The following TM4SF20 variants were observed in gnomAD, a reference collection of about 807,000 sequenced individuals.
The protein encoded by TM4SF20 is transmembrane 4 L six family member 20, also known as transmembrane 4 L6 family member 20.
Under a neutral mutation model 15.1 loss-of-function variants are expected in TM4SF20, and 13 were observed. That is an observed-to-expected ratio of 0.86 (90% CI 0.56 to 1.36). The LOEUF (loss-of-function observed/expected upper bound fraction) is 1.36. Among genes scored for constraint, TM4SF20 ranks in the 40% most tolerant of loss-of-function variants. The pLI, the probability that TM4SF20 is intolerant of heterozygous loss-of-function variation, is 0.00. For synonymous variants in TM4SF20, 92 were observed against 96.6 expected (o/e 0.95, Z 0.28); for missense variants, 282 against 268.4 (o/e 1.05, Z -0.35).
Position 227,372,468 on chromosome 2 carries a change from A to C in TM4SF20, c.184-1488T>G, listed in dbSNP as rs183228655. 4.4e-3 allele frequency among the ~76,000 whole-genome samples: 676 copies of C among 151,946 alleles called. 4 individuals carry two copies. The highest frequency in any genetic ancestry group is 0.015 in the African/African-American group (638 of 41,448). ...AGACCAGCCTGGCCAACATGAGGAA[A>C]CCCCGTCTCTACTAAAAATACAAAA... On this transcript the variant is annotated intron_variant, in intron 1 of 3. Transcript: ENST00000304568.
intron 2 of TM4SF20, among the ~76,000 whole-genome samples, chr2:227,366,559 C>G (rs2076393975): frequency 6.6e-6 from 1 of 151,800 alleles, no homozygotes; most frequent in South Asian, 2.1e-4. Flanking sequence ...AAAACCCCCT[C>G]TCTACTAAAA....
chr2:227,380,843 C>T (rs1000344491), upstream of TM4SF20, among the ~76,000 whole-genome samples: 15 of 152,128 alleles, frequency 9.9e-5, no homozygotes, highest in South Asian at 2.1e-4. Context: ...GTGTGGGGGG[C>T]GCACACAGCC....
chr2:227,372,649 A>G (rs2076426766), intron 1 of TM4SF20, among the ~76,000 whole-genome samples: 1 of 119,140 alleles, frequency 8.4e-6, no homozygotes, highest in Non-Finnish European at 2.0e-5. Flanking sequence ...CAAAAAAACA[A>G]ACAACAACAA....
intron 1 of TM4SF20, among the ~76,000 whole-genome samples, chr2:227,375,189 G>T (rs2076441590): frequency 6.6e-6 from 1 of 151,966 alleles, no homozygotes; most frequent in African/African-American, 2.4e-5. Flanking sequence ...AGCCTCTCAA[G>T]ATGCTGGGAT....
At chr2:227,368,629 G>A (rs568371863) in intron 2 of TM4SF20, among the ~76,000 whole-genome samples, 4 of 152,086 alleles carry the variant, frequency 2.6e-5, no homozygotes, top group African/African-American at 9.7e-5. Context: ...GCCTCCCAAA[G>A]TGCTGGGATT....
At chr2:227,366,368 A>T in intron 2 of TM4SF20, 124 bp from the exon 3 acceptor site, 7 of 758,654 alleles carry the variant, frequency 9.2e-6, no homozygotes, top group Non-Finnish European at 1.5e-5. Context: ...TTAAGATCAC[A>T]GTTTATTAGG....
rs1467017770 is a variant in TM4SF20 at position 227,363,765 on chromosome 2, A to C, written c.649T>G (p.Cys217Gly). The C allele has an allele frequency of 6.2e-7, 1 of 1,614,220 alleles. No individual in the cohort carries two copies. The highest frequency in any genetic ancestry group is 1.3e-5 in the African/African-American group (1 of 75,062). Reference protein sequence around the residue: ...LSQIVIGFLGCLCGVSKRRSQ... With the variant: ...LSQIVIGFLGGLCGVSKRRSQ... ...CTTCGCTTAGAGACTCCACACAGAC[A>C]GCCAAGGAAACCGATGACTATCTGA... is the stretch of plus-strand genomic sequence containing the variant. Residue 217 changes from cysteine (C) to glycine (G), a missense_variant, in exon 4 of 4, where the codon TGT (cysteine) becomes GGT (glycine). Coordinates refer to ENST00000304568, the MANE Select transcript of TM4SF20 (RefSeq NM_024795.4).
intron 1 of TM4SF20, among the ~76,000 whole-genome samples, chr2:227,373,927 C>A (rs1326775270): frequency 1.6e-3 from 168 of 102,982 alleles, no homozygotes; most frequent in Admixed American, 3.9e-3. Flanking sequence ...GACTCCGTCT[C>A]AAAAAAAAAA....
In TM4SF20 at chr2:227,363,531, T is replaced by C. The variant is rs60114757; in HGVS notation, c.*193A>G. ...GTGAAGAGGTAAAAAATTTGAATAG[T>C]ACAACACAAAACTAATTGAAAATTC... On this transcript the variant is annotated 3_prime_UTR_variant, in exon 4 of 4. Coordinates refer to ENST00000304568, the MANE Select transcript of TM4SF20 (RefSeq NM_024795.4). The C allele has an allele frequency of 1.4e-3, 831 of 602,470 alleles. 8 individuals carry two copies. The highest frequency in any genetic ancestry group is 0.012 in the African/African-American group (654 of 53,786). The allele number at this position is 602,470 out of a possible 1,614,324, so 37.3% of individuals were successfully genotyped here. A position where few individuals can be genotyped will look rare whatever the true frequency, so the allele number is the denominator to read the frequency against.
upstream of TM4SF20, among the ~76,000 whole-genome samples, chr2:227,380,011 T>C (rs2076472087): frequency 6.6e-6 from 1 of 152,252 alleles, no homozygotes; most frequent in African/African-American, 2.4e-5. Context: ...GAGAAAAGAC[T>C]ATCAGTTGGC....
At chr2:227,365,103 G>T (rs989515262) in intron 3 of TM4SF20, among the ~76,000 whole-genome samples, 1 of 152,208 alleles carries the variant, frequency 6.6e-6, no homozygotes, top group Non-Finnish European at 1.5e-5. Flanking sequence ...TAGTGATGCA[G>T]TTTCACCATG....
At chr2:227,372,403 T>G (rs1040606269) in intron 1 of TM4SF20, among the ~76,000 whole-genome samples, 1 of 152,050 alleles carries the variant, frequency 6.6e-6, no homozygotes, top group Admixed American at 6.6e-5. Flanking sequence ...CCCAGCACTT[T>G]AGGAGGCCGA....
intron 1 of TM4SF20, among the ~76,000 whole-genome samples, chr2:227,374,925 C>CAAAA (rs10680148): frequency 6.5e-5 from 9 of 139,272 alleles, no homozygotes; most frequent in Admixed American, 1.4e-4. Context: ...ACCCTATCTA[C>CAAAA]AAAAAAAAAA....
intron 1 of TM4SF20, 125 bp from the exon 2 acceptor site, chr2:227,371,105 T>G (rs1222528159): frequency 2.4e-6 from 2 of 841,536 alleles, no homozygotes; most frequent in Non-Finnish European, 4.0e-6. Context: ...AAAAGGGAAT[T>G]TGGCAATATC....
Position 227,362,727 on chromosome 2 carries a change from T to TTA in TM4SF20, c.*995_*996dup, listed in dbSNP as rs2076368100. 1 of 152,236 alleles carries TTA rather than the reference T, an allele frequency of 6.6e-6. No homozygotes were observed. Among genetic ancestry groups the TTA allele is most frequent in the African/African-American group, 2.4e-5 (1 of 41,468 alleles). The allele number at this position is 152,236 out of a possible 1,614,324, so 9.4% of individuals were successfully genotyped here. A position where few individuals can be genotyped will look rare whatever the true frequency, so the allele number is the denominator to read the frequency against. On this transcript the variant is annotated 3_prime_UTR_variant, in exon 4 of 4. Transcript: ENST00000304568. ...ATCCCATCCCCAAGATGTCTCATTA[T>TTA]TATAGGCAAAATTCCAAAATCCAAA...
chr2:227,367,049 G>C (rs928572671), intron 2 of TM4SF20, among the ~76,000 whole-genome samples: 1 of 152,128 alleles, frequency 6.6e-6, no homozygotes, highest in African/African-American at 2.4e-5. Context: ...CCCAACCTCA[G>C]CACCAATGAC....
At chr2:227,378,236 A>G (rs2076461422) in intron 1 of TM4SF20, among the ~76,000 whole-genome samples, 1 of 152,194 alleles carries the variant, frequency 6.6e-6, no homozygotes, top group South Asian at 2.1e-4. Flanking sequence ...AAACAAAACC[A>G]TAGGATAAAT....
At chr2:227,370,591 C>T (rs1383203675) in intron 2 of TM4SF20, among the ~76,000 whole-genome samples, 1 of 152,096 alleles carries the variant, frequency 6.6e-6, no homozygotes, top group Non-Finnish European at 1.5e-5. Context: ...ACCCCCATCT[C>T]TACTAAAAAT....
At chr2:227,365,491 T>TA (rs1449112613) in intron 3 of TM4SF20, among the ~76,000 whole-genome samples, 34 of 152,186 alleles carry the variant, frequency 2.2e-4, no homozygotes, top group Non-Finnish European at 4.4e-5. Flanking sequence ...TCTCCAGTAT[T>TA]ACTTGTTATT....
Sources: allele counts gnomAD v4.1 joint callset (sites outside exome capture counted in the v4.1 genomes callset), GRCh38; gene constraint gnomAD v4.1.1; transcripts MANE v1.5; gene names NCBI Gene and HGNC (gene_info 2026-07-23, HGNC 2026-07-21).